The following CADPS variants were observed in gnomAD, a reference collection of about 807,000 sequenced individuals.
CADPS encodes the protein calcium-dependent secretion activator 1.
A neutral mutation model predicts 167.3 loss-of-function variants in CADPS; 57 were observed. The observed-to-expected ratio is 0.34, with a 90% CI of 0.28 to 0.42. The LOEUF (loss-of-function observed/expected upper bound fraction) is 0.42. CADPS is among the 20% of genes least tolerant of loss of function. CADPS has a pLI of 1.00. For synonymous variants in CADPS, 676 were observed against 635.3 expected, an observed-to-expected ratio of 1.06 and a Z score of -0.96; for missense variants, 1,414 against 1,738.1, an observed-to-expected ratio of 0.81 and a Z score of 3.32.
intron 13 of CADPS, among the ~76,000 whole-genome samples, chr3:62,519,190 T>C (rs1001731732): frequency 2.6e-5 from 4 of 152,210 alleles, no homozygotes; most frequent in African/African-American, 9.6e-5. Flanking sequence ...TTTTGACTAC[T>C]GGCTGAGCCA....
intron 1 of CADPS, among the ~76,000 whole-genome samples, chr3:62,855,805 GT>G: frequency 6.6e-6 from 1 of 152,102 alleles, no homozygotes; most frequent in Middle Eastern, 3.4e-3. Context: ...ATGATTTCCA[GT>G]TTTTGTTTCT....
At chr3:62,816,687 C>A (rs987443684) in intron 1 of CADPS, among the ~76,000 whole-genome samples, 3 of 151,648 alleles carry the variant, frequency 2.0e-5, no homozygotes, top group African/African-American at 7.3e-5. Flanking sequence ...TAGTGCAGAA[C>A]TGTAAGAAGT....
chr3:62,676,718 C>T (rs534888562), intron 3 of CADPS, among the ~76,000 whole-genome samples: 7 of 152,108 alleles, frequency 4.6e-5, no homozygotes, highest in Non-Finnish European at 1.0e-4. Context: ...TTGTGAAATT[C>T]TGCCATAGAG....
rs1403338805 is a variant in CADPS at position 62,557,463 on chromosome 3, C to G, written c.1695G>C (p.Glu565Asp). 1 of 1,614,046 alleles carries G rather than the reference C, an allele frequency of 6.2e-7. No individual in the cohort carries two copies. Among genetic ancestry groups the G allele is most frequent in the Admixed American group, 1.7e-5 (1 of 60,006 alleles). ...CATCCAATTGTAGAAGTTCCTGAGG[C>G]TCCGCTTTCTTCTCCCGATAACTGC... ...AMCSYREKKA[E>D]PQELLQLDGY... is the part of the protein sequence containing the mutation. The change falls in exon 10 of 30, where the codon GAG (glutamate) becomes GAC (aspartate). Residue 565 changes from glutamate (E) to aspartate (D), a missense_variant. By Grantham distance (45) the Glu-to-Asp change is conservative. Around this residue, in one of 6 missense-constraint regions of CADPS, gnomAD observed 157 missense variants for 229.4 expected, o/e 0.68. Transcript: ENST00000383710.
chr3:62,537,087 AT>A (rs1250080666), intron 11 of CADPS, among the ~76,000 whole-genome samples: 3 of 152,178 alleles, frequency 2.0e-5, no homozygotes, highest in Admixed American at 2.0e-4. Flanking sequence ...CCCATTGCCA[AT>A]TTGGTTTCAT....
chr3:62,818,881 T>C (rs531141340), intron 1 of CADPS, among the ~76,000 whole-genome samples: 2 of 152,312 alleles, frequency 1.3e-5, no homozygotes, highest in South Asian at 2.1e-4. Context: ...CACAACATAG[T>C]TGAACTTCAG....
intron 6 of CADPS, among the ~76,000 whole-genome samples, chr3:62,609,267 C>A (rs2061157778): frequency 6.6e-6 from 1 of 150,864 alleles, no homozygotes; most frequent in Non-Finnish European, 1.5e-5. Context: ...CTGCTTCCTT[C>A]TTTCCTGCAT....
At chr3:62,502,798 G>A (rs2065983142) in intron 17 of CADPS, among the ~76,000 whole-genome samples, 1 of 152,148 alleles carries the variant, frequency 6.6e-6, no homozygotes, top group African/African-American at 2.4e-5. Flanking sequence ...GCTGGTCTGT[G>A]TTTGGGTGGG....
chr3:62,658,477 T>A (rs1342862060), intron 4 of CADPS, among the ~76,000 whole-genome samples: 6 of 152,146 alleles, frequency 3.9e-5, no homozygotes, highest in Non-Finnish European at 8.8e-5. Context: ...GAGTGCAGAC[T>A]CATTAGAGAA....
intron 2 of CADPS, among the ~76,000 whole-genome samples, chr3:62,756,591 C>A (rs1439203613): frequency 6.6e-6 from 1 of 152,130 alleles, no homozygotes; most frequent in Non-Finnish European, 1.5e-5. Context: ...TAATGCCATG[C>A]AAATATGATT....
At chr3:62,552,559 G>T (rs1404771388) in intron 10 of CADPS, among the ~76,000 whole-genome samples, 2 of 152,166 alleles carry the variant, frequency 1.3e-5, no homozygotes, top group African/African-American at 4.8e-5. Flanking sequence ...TAAAAACTAA[G>T]AGGAGAATGA....
intron 5 of CADPS, among the ~76,000 whole-genome samples, chr3:62,649,463 A>G (rs1158787385): frequency 2.7e-5 from 4 of 149,034 alleles, no homozygotes; most frequent in Non-Finnish European, 5.9e-5. Context: ...CCCTTGCCCC[A>G]GGGAACATTA....
At chr3:62,705,640 T>C (rs549337036) in intron 3 of CADPS, among the ~76,000 whole-genome samples, 1 of 152,226 alleles carries the variant, frequency 6.6e-6, no homozygotes, top group South Asian at 2.1e-4. Context: ...CAAGCCTACA[T>C]CTTTCTCCTG....
intron 6 of CADPS, among the ~76,000 whole-genome samples, chr3:62,631,214 G>T (rs2065220134): frequency 6.6e-6 from 1 of 152,060 alleles, no homozygotes; most frequent in Admixed American, 6.6e-5. Flanking sequence ...AGGTAATGAA[G>T]TTGGTAGTTA....
At chr3:62,712,247 T>C (rs527494373) in intron 3 of CADPS, among the ~76,000 whole-genome samples, 1 of 152,310 alleles carries the variant, frequency 6.6e-6, no homozygotes, top group African/African-American at 2.4e-5. Context: ...AAATGGTATT[T>C]TTTAATTTAA....
At chr3:62,774,844 T>C (rs554434353) in intron 1 of CADPS, among the ~76,000 whole-genome samples, 6 of 152,258 alleles carry the variant, frequency 3.9e-5, no homozygotes, top group African/African-American at 1.4e-4. Flanking sequence ...TGTAATAGCC[T>C]TTTCAGACAA....
In CADPS at chr3:62,478,465, T is replaced by C. The variant is rs369730930; in HGVS notation, c.3174-49A>G. On this transcript the variant is annotated intron_variant, in intron 22 of 29. Coordinates refer to ENST00000383710, the MANE Select transcript of CADPS (RefSeq NM_003716.4). The surrounding 1 kb of genome is among the most constrained non-coding windows in gnomAD (Gnocchi z 5.7). The stretch of plus-strand genomic sequence containing the variant: ...TGAGAGTCACCCACTGGCCTCAGGC[T>C]CTACAAAAACTAACACAGAGACAAC... 1.9e-6 allele frequency: 3 copies of C among 1,563,850 alleles called. No homozygotes were observed. The East Asian group carries it at 6.9e-5, about 36-fold the overall frequency.
At chr3:62,815,728 G>T (rs564419963) in intron 1 of CADPS, among the ~76,000 whole-genome samples, 1 of 152,060 alleles carries the variant, frequency 6.6e-6, no homozygotes, top group Middle Eastern at 3.4e-3. Flanking sequence ...AACTGATAGG[G>T]CTTTTAAGTA....
chr3:62,437,333 C>A (rs2055308387), intron 28 of CADPS, among the ~76,000 whole-genome samples: 1 of 144,016 alleles, frequency 6.9e-6, no homozygotes, highest in Non-Finnish European at 1.5e-5. Flanking sequence ...GAGACTGAAG[C>A]AGGTTCCTTT....
Sources: gnomAD v4.1 joint callset for allele counts (sites outside exome capture counted in the v4.1 genomes callset) on GRCh38, gnomAD v4.1.1 for gene constraint, gnomAD v4.1.1 regional missense constraint, Gnocchi (gnomAD v3.1) non-coding constraint, MANE v1.5 for transcripts, NCBI Gene and HGNC (gene_info 2026-07-23, HGNC 2026-07-21) for gene names.